RALGAPA1: variants seen among roughly 807,000 people sequenced by gnomAD.
The protein encoded by RALGAPA1 is Ral GTPase activating protein catalytic subunit alpha 1, also known as ral GTPase-activating protein subunit alpha-1.
A neutral mutation model predicts 269.6 loss-of-function variants in RALGAPA1; 52 were observed. The ratio of observed to expected loss-of-function variants is 0.19; its 90% CI spans 0.15 to 0.24. The LOEUF is 0.24. Among genes scored for constraint, RALGAPA1 ranks in the 10% least tolerant of loss-of-function variants. The probability of loss-of-function intolerance (pLI) is 1.00; values close to 1 mark genes in which losing one functional copy is unlikely to be tolerated. For missense variants in RALGAPA1, 1,917 were observed against 3,013.9 expected, an observed-to-expected ratio of 0.64 and a Z score of 8.52; for synonymous variants, 817 against 1,008.3, an observed-to-expected ratio of 0.81 and a Z score of 3.60.
chr14:35,703,964 C>T (rs1178161494), intron 16 of RALGAPA1, among the ~76,000 whole-genome samples: 1 of 151,800 alleles, frequency 6.6e-6, no homozygotes, highest in Non-Finnish European at 1.5e-5. Flanking sequence ...ATTCATGGAC[C>T]GCAAATGTGA....
At chr14:35,789,290 C>A (rs4981307) in intron 1 of RALGAPA1, among the ~76,000 whole-genome samples, 18,341 of 151,424 alleles carry the variant, frequency 0.12, 1,176 homozygotes, top group South Asian at 0.14. Flanking sequence ...CTAGAATGCA[C>A]CCTCCTTATA....
chr14:35,705,183 T>C (rs752287485), intron 16 of RALGAPA1, among the ~76,000 whole-genome samples: 17 of 152,122 alleles, frequency 1.1e-4, no homozygotes, highest in African/African-American at 2.7e-4. Context: ...CTAAAGTCCA[T>C]AGTTTACATT....
chr14:35,702,743 A>AT (rs1282374814), intron 16 of RALGAPA1, among the ~76,000 whole-genome samples: 1,461 of 141,758 alleles, frequency 0.01, 28 homozygotes, highest in African/African-American at 0.031. Flanking sequence ...ATATATATAC[A>AT]TTTTTTTTTT....
intron 32 of RALGAPA1, 77 bp downstream of exon 32, chr14:35,635,387 T>A: frequency 7.1e-7 from 1 of 1,404,130 alleles, no homozygotes; most frequent in Non-Finnish European, 9.4e-7. Context: ...AATAAAAATG[T>A]TATACTGAGA....
chr14:35,750,294 C>T (rs1485432076), intron 9 of RALGAPA1, among the ~76,000 whole-genome samples, 188 bp downstream of exon 9: 1 of 152,086 alleles, frequency 6.6e-6, no homozygotes, highest in African/African-American at 2.4e-5. Flanking sequence ...TTCTATACTT[C>T]CCGTTTCATT....
chr14:35,711,581 G>A (rs748761893), intron 16 of RALGAPA1, among the ~76,000 whole-genome samples: 10 of 152,112 alleles, frequency 6.6e-5, no homozygotes, highest in African/African-American at 1.2e-4. Flanking sequence ...CTGAGTAGCC[G>A]GGAGTACAGA....
chr14:35,672,046 TA>T (rs1476373283), intron 25 of RALGAPA1, among the ~76,000 whole-genome samples: 1 of 152,206 alleles, frequency 6.6e-6, no homozygotes, highest in African/African-American at 2.4e-5. Context: ...CTTTGGAATT[TA>T]CTATGAGGAT....
chr14:35,717,181 G>A (rs1246449009), intron 16 of RALGAPA1, among the ~76,000 whole-genome samples: 2 of 151,976 alleles, frequency 1.3e-5, no homozygotes, highest in East Asian at 1.9e-4. Context: ...ACGGAGTTTC[G>A]CTCTTGTTGC....
intron 22 of RALGAPA1, among the ~76,000 whole-genome samples, chr14:35,675,877 T>C (rs997824417): frequency 7.2e-5 from 11 of 152,198 alleles, no homozygotes; most frequent in Admixed American, 7.2e-4. Flanking sequence ...TTCCAACATA[T>C]TGAGAATTTA....
At chr14:35,763,687 T>G (rs1295640047) in intron 4 of RALGAPA1, among the ~76,000 whole-genome samples, 1 of 152,060 alleles carries the variant, frequency 6.6e-6, no homozygotes, top group Non-Finnish European at 1.5e-5. Flanking sequence ...GACATTTGGT[T>G]TTTTTCAAAT....
At chr14:35,614,502 C>G (rs1594818414) in intron 35 of RALGAPA1, among the ~76,000 whole-genome samples, 1 of 151,774 alleles carries the variant, frequency 6.6e-6, no homozygotes, top group African/African-American at 2.4e-5. Flanking sequence ...TATGAAATTT[C>G]CAGAATAGGC....
At chr14:35,710,238 T>A (rs2068185550) in intron 16 of RALGAPA1, among the ~76,000 whole-genome samples, 1 of 152,202 alleles carries the variant, frequency 6.6e-6, no homozygotes. Flanking sequence ...CATTAAGGAT[T>A]ATTACGTCTT....
Position 35,808,951 on chromosome 14 carries a change from C to A in RALGAPA1, c.-116G>T. On this transcript the variant is annotated 5_prime_UTR_variant, in exon 1 of 42. Transcript: ENST00000680220. ...CTAGCCAGAGAGGCTCATTAGCTCCCCAGCCTTGCGGGCCAGGGCAGAGCC... is the reference window on the plus strand; with the variant it reads ...CTAGCCAGAGAGGCTCATTAGCTCCACAGCCTTGCGGGCCAGGGCAGAGCC... The A allele has an allele frequency of 6.8e-7, 1 of 1,475,418 alleles. No individual in the cohort carries two copies. Among genetic ancestry groups the A allele is most frequent in the Non-Finnish European group, 9.0e-7 (1 of 1,115,670 alleles). 91.4% of individuals were successfully genotyped at this position (1,475,418 alleles called of 1,614,324 possible).
chr14:35,719,444 A>G (rs958893432), intron 16 of RALGAPA1, among the ~76,000 whole-genome samples: 1 of 152,222 alleles, frequency 6.6e-6, no homozygotes, highest in Non-Finnish European at 1.5e-5. Context: ...TTTAACTTTG[A>G]TAGGCTTGTT....
intron 28 of RALGAPA1, among the ~76,000 whole-genome samples, chr14:35,658,093 GAAGAGGGTGA>G (rs1406057143): frequency 6.6e-6 from 1 of 152,202 alleles, no homozygotes; most frequent in Non-Finnish European, 1.5e-5. Context: ...AAAACTGGAA[GAAGAGGGTGA>G]TTCTATTAAA....
intron 19 of RALGAPA1, among the ~76,000 whole-genome samples, chr14:35,686,150 T>G (rs2065909209): frequency 6.6e-6 from 1 of 150,550 alleles, no homozygotes; most frequent in African/African-American, 2.4e-5. Flanking sequence ...TAGATTATAT[T>G]TATTTATTTA....
At chr14:35,631,512 T>C (rs1314995465) in intron 33 of RALGAPA1, among the ~76,000 whole-genome samples, 3 of 152,174 alleles carry the variant, frequency 2.0e-5, no homozygotes, top group Non-Finnish European at 4.4e-5. Flanking sequence ...AAAAGATTTT[T>C]CTATTCTTCA....
At chr14:35,541,027 G>A (rs1368667745) in intron 41 of RALGAPA1, among the ~76,000 whole-genome samples, 1 of 128,362 alleles carries the variant, frequency 7.8e-6, no homozygotes, top group African/African-American at 3.2e-5. Context: ...ATATGTCTTT[G>A]CAGAACACTT....
chr14:35,762,818 TC>T, intron 4 of RALGAPA1, 65 bp from the exon 5 acceptor site: 1 of 1,030,684 alleles, frequency 9.7e-7, no homozygotes, highest in Non-Finnish European at 1.5e-6. Flanking sequence ...GAGTTCTCGG[TC>T]GGACTTGAAA....
Sources: allele counts gnomAD v4.1 joint callset (sites outside exome capture counted in the v4.1 genomes callset), GRCh38; gene constraint gnomAD v4.1.1; transcripts MANE v1.5; gene names NCBI Gene and HGNC (gene_info 2026-07-23, HGNC 2026-07-21).